The following SYTL2 variants were observed in gnomAD, a reference collection of about 807,000 sequenced individuals.
The protein encoded by SYTL2 is synaptotagmin like 2.
In SYTL2, 165 loss-of-function variants were observed where a neutral mutation model predicts 198.7. That is an observed-to-expected ratio of 0.83 (90% CI 0.73 to 0.94). The LOEUF is 0.94. SYTL2 is among the 40% of genes least tolerant of loss of function. SYTL2 has a pLI of 0.00. For missense variants in SYTL2, 2,835 were observed against 2,582.8 expected (o/e 1.10, Z -2.12); for synonymous variants, 966 against 917.7 (o/e 1.05, Z -0.95).
intron 1 of SYTL2, among the ~76,000 whole-genome samples, chr11:85,781,474 A>C (rs1305300684): frequency 1.3e-5 from 2 of 152,118 alleles, no homozygotes; most frequent in Non-Finnish European, 2.9e-5. Context: ...TCATGTCCTC[A>C]CATTTCAAAA....
intron 1 of SYTL2, among the ~76,000 whole-genome samples, chr11:85,802,712 T>C (rs2092908683): frequency 6.6e-6 from 1 of 152,340 alleles, no homozygotes; most frequent in African/African-American, 2.4e-5. Context: ...CTGACATTTA[T>C]TGAATAGTGA....
chr11:85,738,898 G>A (rs2090570542), intron 4 of SYTL2, among the ~76,000 whole-genome samples: 1 of 152,090 alleles, frequency 6.6e-6, no homozygotes, highest in Admixed American at 6.6e-5. Flanking sequence ...TAAGCAGAGT[G>A]TCTATATCCT....
At chr11:85,851,176 TA>T in the SYTL2 span, among the ~76,000 whole-genome samples, 2,353 of 149,210 alleles carry the variant, frequency 0.016, 24 homozygotes, top group Middle Eastern at 0.031. Context: ...GAAAGTATAA[TA>T]AAAAAAAAAG....
the SYTL2 span, among the ~76,000 whole-genome samples, chr11:85,851,383 C>T: frequency 2.6e-5 from 4 of 152,162 alleles, no homozygotes; most frequent in Admixed American, 6.6e-5. Flanking sequence ...ATTCCTAGTT[C>T]GGGTCTTTAC....
intron 2 of SYTL2, among the ~76,000 whole-genome samples, chr11:85,757,402 G>A (rs2091926840): frequency 6.6e-6 from 1 of 152,026 alleles, no homozygotes; most frequent in Non-Finnish European, 1.5e-5. Context: ...AATTTAGTTA[G>A]GTTTTTAATC....
chr11:85,809,147 C>T (rs2092998692), intron 1 of SYTL2, among the ~76,000 whole-genome samples: 2 of 152,220 alleles, frequency 1.3e-5, no homozygotes, highest in Non-Finnish European at 1.5e-5. Flanking sequence ...TTCATTCATT[C>T]CACAAATGTT....
chr11:85,802,052 G>C (rs943132540), intron 1 of SYTL2, among the ~76,000 whole-genome samples: 4 of 151,760 alleles, frequency 2.6e-5, no homozygotes, highest in Non-Finnish European at 5.9e-5. Context: ...ATGACCTTGT[G>C]ATCCACACGC....
chr11:85,808,633 A>G (rs2092991865), intron 1 of SYTL2, among the ~76,000 whole-genome samples: 1 of 152,190 alleles, frequency 6.6e-6, no homozygotes, highest in African/African-American at 2.4e-5. Flanking sequence ...AATATATAAC[A>G]ATCTGCCAGG....
intron 8 of SYTL2, among the ~76,000 whole-genome samples, chr11:85,721,516 G>A (rs2088304950): frequency 6.6e-6 from 1 of 151,948 alleles, no homozygotes; most frequent in Non-Finnish European, 1.5e-5. Flanking sequence ...TTTTAGTAAG[G>A]CATTTTAAAG....
chr11:85,751,695 CT>C (rs2091522037), intron 2 of SYTL2, among the ~76,000 whole-genome samples: 2 of 152,224 alleles, frequency 1.3e-5, no homozygotes, highest in Non-Finnish European at 2.9e-5. Flanking sequence ...ATTCCTTCAG[CT>C]AGCACACAGT....
rs568628148 is a variant in SYTL2, at chr11:85,708,763, C to T, written c.5915+568G>A. Among the ~76,000 whole-genome samples, 4 of 148,966 alleles carry T rather than the reference C, an allele frequency of 2.7e-5. No individual in the cohort carries two copies. The South Asian group carries it at 8.5e-4, about 32-fold the overall frequency. On this transcript the variant is annotated intron_variant, in intron 14 of 19. Coordinates refer to ENST00000359152, the MANE Select transcript of SYTL2 (RefSeq NM_206927.4). ...TCTTCTCTGGTCCTTGCGTTCTTATCTGTAAAATGAAGGAACTGAACAAGA... is the reference window on the plus strand; with the variant it reads ...TCTTCTCTGGTCCTTGCGTTCTTATTTGTAAAATGAAGGAACTGAACAAGA...
Position 85,719,135 on chromosome 11 carries a change from G to A in SYTL2, c.5429-292C>T, listed in dbSNP as rs975495264. On this transcript the variant is annotated intron_variant, in intron 9 of 19. Coordinates refer to ENST00000359152, the MANE Select transcript of SYTL2 (RefSeq NM_206927.4). ...AGCAATCGGCCAGCAGCAGGAGAAA[G>A]CACGGGGCTGCAACAGCCTCTCTAT... The A allele has an allele frequency of 2.8e-6, 4 of 1,429,830 alleles. No homozygotes were observed. In the East Asian group the frequency reaches 9.6e-5, roughly 34 times the overall value. 88.6% of individuals were successfully genotyped at this position (1,429,830 alleles called of 1,614,324 possible). A position where few individuals can be genotyped will look rare whatever the true frequency, so the allele number is the denominator to read the frequency against.
chr11:85,821,742 C>T, the SYTL2 span, among the ~76,000 whole-genome samples: 2 of 152,072 alleles, frequency 1.3e-5, no homozygotes, highest in Non-Finnish European at 2.9e-5. Flanking sequence ...GATTCAGTAC[C>T]CAGAGAGGTA....
intron 1 of SYTL2, among the ~76,000 whole-genome samples, chr11:85,776,595 G>A (rs2092455951): frequency 1.3e-5 from 2 of 152,002 alleles, no homozygotes; most frequent in African/African-American, 4.8e-5. Context: ...CTTTTTTGTG[G>A]CTGCATAGTA....
At position 85,714,295 on chromosome 11, in the gene SYTL2, G is replaced by A. The variant is rs543882796; in HGVS notation, c.5625+118C>T. On this transcript the variant is annotated intron_variant, in intron 12 of 19. Transcript: ENST00000359152. ...TACTTCTATTGACTTGAAAGGCAAG[G>A]GCCAGTCCTTCTGACCTCTTTGATC... The A allele has an allele frequency of 1.4e-5, 11 of 772,796 alleles. No homozygotes were observed. The South Asian group carries it at 1.5e-4, about 10-fold the overall frequency. The allele number at this position is 772,796 out of a possible 1,614,324, so 47.9% of individuals were successfully genotyped here. A position where few individuals can be genotyped will look rare whatever the true frequency, so the allele number is the denominator to read the frequency against.
chr11:85,698,249 T>A (rs1459924025), intron 17 of SYTL2, among the ~76,000 whole-genome samples, 171 bp from the exon 18 acceptor site: 4 of 152,212 alleles, frequency 2.6e-5, no homozygotes, highest in Non-Finnish European at 4.4e-5. Context: ...CATAATCTGG[T>A]TTTACTGAAC....
At chr11:85,801,918 G>A (rs1023092275) in intron 1 of SYTL2, among the ~76,000 whole-genome samples, 4 of 150,328 alleles carry the variant, frequency 2.7e-5, no homozygotes, top group South Asian at 2.1e-4. Flanking sequence ...AGGTTCAAGC[G>A]ATACTCCTGC....
chr11:85,727,306 T>C lies in SYTL2; in HGVS notation c.2052A>G (p.Pro684=), dbSNP rs1183985297. 1 of 1,535,626 alleles carries C rather than the reference T, an allele frequency of 6.5e-7. No individual in the cohort carries two copies. The highest frequency in any genetic ancestry group is 1.4e-5 in the African/African-American group (1 of 72,984). The change falls in exon 8 of 20, where the codon CCA becomes CCG. Residue 684 remains proline, a synonymous_variant. Coordinates refer to ENST00000359152, the MANE Select transcript of SYTL2 (RefSeq NM_206927.4). ...AGTTGCCAATATTATTAGTGTTGCA[T>C]GGAACTTGGTTTTCTGCATCAGATT... The part of the protein sequence containing the change: ...LKESDAENQV[P]CNTNNIGNLG...
chr11:85,750,164 T>C lies in SYTL2; in HGVS notation c.102-1741A>G, dbSNP rs144254615. Among the ~76,000 whole-genome samples the C allele has an allele frequency of 3.9e-5, 6 of 152,248 alleles. No homozygotes were observed. The East Asian group carries it at 1.2e-3, about 29-fold the overall frequency. On this transcript the variant is annotated intron_variant, in intron 2 of 19. Coordinates refer to ENST00000359152, the MANE Select transcript of SYTL2 (RefSeq NM_206927.4). ...TCCCCAAATTACATCCAAATCTCAG[T>C]TCTGACCCTTCCTAGATGGGATCTT...
Sources: allele counts gnomAD v4.1 joint callset (sites outside exome capture counted in the v4.1 genomes callset), GRCh38; gene constraint gnomAD v4.1.1; transcripts MANE v1.5; gene names NCBI Gene and HGNC (gene_info 2026-07-23, HGNC 2026-07-21).